The following GPC5 variants were observed in gnomAD, a reference collection of about 807,000 sequenced individuals.
The protein encoded by GPC5 is glypican 5, also known as glypican-5.
Under a neutral mutation model 53.9 loss-of-function variants are expected in GPC5, and 47 were observed. The observed-to-expected ratio is 0.87, with a 90% CI of 0.69 to 1.11. The LOEUF is 1.11. Among genes scored for constraint, GPC5 ranks in the 50% most tolerant of loss-of-function variants. The pLI is 0.00. For synonymous variants in GPC5, 286 were observed against 263.3 expected, an observed-to-expected ratio of 1.09 and a Z score of -0.84; for missense variants, 748 against 713.1, an observed-to-expected ratio of 1.05 and a Z score of -0.56.
At chr13:91,907,501 C>T (rs199620467) in intron 5 of GPC5, among the ~76,000 whole-genome samples, 8 of 59,976 alleles carry the variant, frequency 1.3e-4, no homozygotes, top group African/African-American at 6.2e-4. Flanking sequence ...CTCTCTCTCT[C>T]TTTATATATA....
intron 5 of GPC5, among the ~76,000 whole-genome samples, chr13:91,858,278 A>G (rs987430625): frequency 2.6e-5 from 4 of 151,822 alleles, no homozygotes; most frequent in Non-Finnish European, 3.0e-5. Context: ...AGTTTCCCCC[A>G]TTTAGTATGA....
At chr13:92,820,023 T>A (rs1877621269) in intron 7 of GPC5, among the ~76,000 whole-genome samples, 1 of 152,108 alleles carries the variant, frequency 6.6e-6, no homozygotes, top group Non-Finnish European at 1.5e-5. Flanking sequence ...CTTCTCTGCT[T>A]CCTCTCTGAA....
At position 91,875,696 on chromosome 13, in the gene GPC5, T is replaced by G. The variant is rs1341854773; in HGVS notation, c.1281-32241T>G. Among the ~76,000 whole-genome samples the G allele has an allele frequency of 4.6e-5, 7 of 152,332 alleles. No individual in the cohort carries two copies. In the East Asian group the frequency reaches 1.3e-3, roughly 29 times the overall value. Reference sequence around the variant, plus strand: ...TGAATCATATTATTTAGAATTTAAATTTGGAATATTTATTTTTAACTTCTT... The same window carrying G: ...TGAATCATATTATTTAGAATTTAAAGTTGGAATATTTATTTTTAACTTCTT... On this transcript the variant is annotated intron_variant, in intron 5 of 7. Transcript: ENST00000377067.
chr13:91,913,261 T>C (rs1165430871), intron 6 of GPC5, among the ~76,000 whole-genome samples: 1 of 151,920 alleles, frequency 6.6e-6, no homozygotes, highest in Non-Finnish European at 1.5e-5. Flanking sequence ...TAGCTGGGCA[T>C]TGTGGCGTGC....
At position 92,291,233 on chromosome 13, in the gene GPC5, G is replaced by A. The variant is rs559673041; in HGVS notation, c.1561+146244G>A. ...CACCCAAGGGCTGAGGAGTGCGGGC[G>A]CATGGCACGGGACTGACAGGCAGCT... On this transcript the variant is annotated intron_variant, in intron 7 of 7. Transcript: ENST00000377067. 3.1e-4 allele frequency among the ~76,000 whole-genome samples: 47 copies of A among 152,314 alleles called. 1 individual carries two copies. Among genetic ancestry groups the A allele is most frequent in the African/African-American group, 1.1e-3 (46 of 41,574 alleles).
intron 2 of GPC5, among the ~76,000 whole-genome samples, chr13:91,449,422 G>T (rs1220188257): frequency 6.6e-6 from 1 of 151,976 alleles, no homozygotes; most frequent in Non-Finnish European, 1.5e-5. Flanking sequence ...AGGTATACAT[G>T]TGCCATGGTG....
At chr13:92,660,020 C>T (rs1214925640) in intron 7 of GPC5, among the ~76,000 whole-genome samples, 1 of 152,206 alleles carries the variant, frequency 6.6e-6, no homozygotes, top group African/African-American at 2.4e-5. Context: ...TCTGCTCTTC[C>T]AGTCACAGCC....
chr13:92,088,572 G>C (rs1254577516), intron 6 of GPC5, among the ~76,000 whole-genome samples: 1 of 152,034 alleles, frequency 6.6e-6, no homozygotes, highest in Non-Finnish European at 1.5e-5. Context: ...TCAGTCATTG[G>C]CTATGGGCCA....
At chr13:91,496,584 G>A (rs758042784) in intron 2 of GPC5, among the ~76,000 whole-genome samples, 33 of 152,164 alleles carry the variant, frequency 2.2e-4, no homozygotes, top group African/African-American at 7.5e-4. Flanking sequence ...TAAAACAATT[G>A]AACTTATGGA....
intron 2 of GPC5, among the ~76,000 whole-genome samples, chr13:91,601,372 A>C (rs1023308286): frequency 2.0e-5 from 3 of 152,192 alleles, no homozygotes; most frequent in Admixed American, 2.0e-4. Flanking sequence ...ATTGTTAGAC[A>C]TAAGATTAGA....
intron 4 of GPC5, among the ~76,000 whole-genome samples, chr13:91,742,067 G>A (rs149966886): frequency 3.9e-4 from 59 of 152,232 alleles, no homozygotes; most frequent in African/African-American, 1.4e-3. Context: ...CCAGAGCAGG[G>A]CAGGCCAAGA....
chr13:92,527,271 G>GAA (rs1881395628), intron 7 of GPC5, among the ~76,000 whole-genome samples: 1 of 132,478 alleles, frequency 7.5e-6, no homozygotes, highest in Admixed American at 7.9e-5. Context: ...AAGAAAGAAA[G>GAA]AAAGAAAGAA....
chr13:92,191,985 T>G (rs997959926), intron 7 of GPC5, among the ~76,000 whole-genome samples: 2 of 152,060 alleles, frequency 1.3e-5, no homozygotes, highest in African/African-American at 4.8e-5. Context: ...AAATTACAAA[T>G]CAAACCATTG....
intron 7 of GPC5, among the ~76,000 whole-genome samples, chr13:92,163,797 G>T (rs150253426): frequency 6.0e-4 from 92 of 152,240 alleles, no homozygotes; most frequent in African/African-American, 2.0e-3. Context: ...ATTGAATTTT[G>T]TATTCGTTCT....
intron 3 of GPC5, among the ~76,000 whole-genome samples, chr13:91,699,713 G>A (rs1030833857): frequency 1.3e-5 from 2 of 152,150 alleles, no homozygotes; most frequent in Non-Finnish European, 2.9e-5. Flanking sequence ...TTGATTTATA[G>A]AAAACACTGT....
chr13:91,987,247 A>G (rs1244722990), intron 6 of GPC5, among the ~76,000 whole-genome samples: 1 of 152,222 alleles, frequency 6.6e-6, no homozygotes, highest in African/African-American at 2.4e-5. Flanking sequence ...GCACCCACGG[A>G]GACTCTGCAG....
At chr13:92,145,420 A>G (rs2041860058) in intron 7 of GPC5, among the ~76,000 whole-genome samples, 1 of 152,098 alleles carries the variant, frequency 6.6e-6, no homozygotes, top group South Asian at 2.1e-4. Flanking sequence ...TTGCATAGAA[A>G]TTGGTATATG....
At chr13:92,844,536 A>ATGTGTGTG (rs36093777) in intron 7 of GPC5, among the ~76,000 whole-genome samples, 108 of 149,746 alleles carry the variant, frequency 7.2e-4, no homozygotes, top group East Asian at 6.7e-3. Context: ...TACAGGAAAA[A>ATGTGTGTG]TGTGTGTGTG....
intron 7 of GPC5, among the ~76,000 whole-genome samples, chr13:92,613,847 A>C (rs1884588221): frequency 6.6e-6 from 1 of 150,828 alleles, no homozygotes; most frequent in East Asian, 1.9e-4. Flanking sequence ...AAAGAGTGAA[A>C]TCCTGTCTCT....
Sources: allele counts gnomAD v4.1 joint callset (sites outside exome capture counted in the v4.1 genomes callset), GRCh38; gene constraint gnomAD v4.1.1; transcripts MANE v1.5; gene names NCBI Gene and HGNC (gene_info 2026-07-23, HGNC 2026-07-21).